Variants in KCNK1 observed in about 807,000 individuals in gnomAD.
KCNK1 encodes the protein potassium two pore domain channel subfamily K member 1, also known as potassium channel subfamily K member 1.
In KCNK1, 10 loss-of-function variants were observed where a neutral mutation model predicts 22.2. That is an observed-to-expected ratio of 0.45 (90% CI 0.28 to 0.76). The LOEUF (loss-of-function observed/expected upper bound fraction) is 0.76. Among genes scored for constraint, KCNK1 ranks in the 30% least tolerant of loss-of-function variants. The probability of loss-of-function intolerance (pLI) is 0.14; values close to 1 mark genes in which losing one functional copy is unlikely to be tolerated. For missense variants in KCNK1, 378 were observed against 421.0 expected (o/e 0.90, Z 0.89); for synonymous variants, 200 against 186.4 (o/e 1.07, Z -0.60).
chr1:233,640,665 A>T (rs1225771549), intron 1 of KCNK1, among the ~76,000 whole-genome samples: 2 of 152,098 alleles, frequency 1.3e-5, no homozygotes, highest in African/African-American at 4.8e-5. Context: ...AACGTAGAGA[A>T]TGAAGGTCAG....
intron 1 of KCNK1, among the ~76,000 whole-genome samples, chr1:233,650,932 G>T (rs1203558556): frequency 6.6e-6 from 1 of 152,166 alleles, no homozygotes; most frequent in African/African-American, 2.4e-5. Flanking sequence ...TGGCTGCTCT[G>T]AGTTCCTGTG....
intron 1 of KCNK1, among the ~76,000 whole-genome samples, chr1:233,659,721 C>T (rs1172003557): frequency 2.0e-5 from 3 of 151,972 alleles, no homozygotes; most frequent in Non-Finnish European, 4.4e-5. Flanking sequence ...GGGAGTTTTT[C>T]AGGTCTGGTA....
intron 1 of KCNK1, among the ~76,000 whole-genome samples, chr1:233,619,941 A>AG (rs35124712): frequency 1.2e-3 from 3 of 2,462 alleles, no homozygotes; most frequent in East Asian, 0.023. Context: ...GCGGGGGGGC[A>AG]GGGGGGTGAA....
At chr1:233,619,812 A>G (rs1435647213) in intron 1 of KCNK1, among the ~76,000 whole-genome samples, 1 of 151,882 alleles carries the variant, frequency 6.6e-6, no homozygotes, top group East Asian at 1.9e-4. Context: ...CGGGAGGCTA[A>G]GGCAGGAGAA....
intron 1 of KCNK1, among the ~76,000 whole-genome samples, chr1:233,664,238 T>C (rs1341330556): frequency 6.6e-6 from 1 of 152,144 alleles, no homozygotes; most frequent in Non-Finnish European, 1.5e-5. Context: ...AAGTTGTAGC[T>C]CCCATTAGTT....
intron 1 of KCNK1, among the ~76,000 whole-genome samples, chr1:233,626,712 C>T (rs941045188): frequency 3.3e-5 from 5 of 152,038 alleles, no homozygotes; most frequent in African/African-American, 1.2e-4. Flanking sequence ...TTAAATACTT[C>T]CAGGCTAAGA....
In KCNK1 at chr1:233,671,264, C is replaced by T. The variant is rs749934083; in HGVS notation, c.752-7C>T. ...CACACTAAGACAGTGTCCTGTTTCT[C>T]ACACAGGTTACCTGCTACTTGGCCT... On this transcript the variant is annotated splice_polypyrimidine_tract_variant and splice_region_variant and intron_variant, in intron 2 of 2. Transcript: ENST00000366621. The T allele has an allele frequency of 1.2e-6, 2 of 1,613,628 alleles. No individual in the cohort carries two copies. Among genetic ancestry groups the T allele is most frequent in the Non-Finnish European group, 1.7e-6 (2 of 1,179,556 alleles).
At chr1:233,654,139 G>T (rs1174391326) in intron 1 of KCNK1, among the ~76,000 whole-genome samples, 1 of 151,450 alleles carries the variant, frequency 6.6e-6, no homozygotes, top group Non-Finnish European at 1.5e-5. Flanking sequence ...AGGCCAGTCT[G>T]ATAAGGTCTC....
chr1:233,652,480 G>A (rs1377184523), intron 1 of KCNK1, among the ~76,000 whole-genome samples: 4 of 152,154 alleles, frequency 2.6e-5, no homozygotes, highest in African/African-American at 9.7e-5. Context: ...ATAGGGATAT[G>A]CATACTTATC....
Position 233,666,800 on chromosome 1 carries a change from T to C in KCNK1, c.561T>C (p.Leu187=). 6.2e-7 allele frequency: 1 copy of C among 1,614,198 alleles called. No homozygotes were observed. The highest frequency in any genetic ancestry group is 8.5e-7 in the Non-Finnish European group (1 of 1,180,028). The stretch of plus-strand genomic sequence containing the variant: ...TGGCCATCGTCCATGCCGTGCTCCT[T>C]GGGTTTGTCACTGTGTCCTGCTTCT... ...QVVAIVHAVL[L]GFVTVSCFFF... Residue 187 remains leucine, a synonymous_variant, in exon 2 of 3, where the codon CTT becomes CTC. Coordinates refer to ENST00000366621, the MANE Select transcript of KCNK1 (RefSeq NM_002245.4).
intron 1 of KCNK1, among the ~76,000 whole-genome samples, chr1:233,634,317 AC>A (rs1374395247): frequency 7.4e-3 from 209 of 28,278 alleles, no homozygotes; most frequent in East Asian, 0.027. Flanking sequence ...AACAACAACA[AC>A]AAAAAAAAAA....
chr1:233,633,158 A>T (rs1262456794), intron 1 of KCNK1, among the ~76,000 whole-genome samples: 1 of 151,004 alleles, frequency 6.6e-6, no homozygotes, highest in Non-Finnish European at 1.5e-5. Context: ...GGAGAAGAGG[A>T]GGTTACAAGC....
chr1:233,665,467 C>T lies in KCNK1; in HGVS notation c.356-1128C>T, dbSNP rs150128403. 1.6e-3 allele frequency among the ~76,000 whole-genome samples: 248 copies of T among 152,354 alleles called. 1 individual carries two copies. The highest frequency in any genetic ancestry group is 5.7e-3 in the African/African-American group (235 of 41,584). On this transcript the variant is annotated intron_variant, in intron 1 of 2. Transcript: ENST00000366621. ...GCCACTTCACAAGTCAATTGTATTGCAAGCCATACATAATAGTATACTTAA... is the reference window on the plus strand; with the variant it reads ...GCCACTTCACAAGTCAATTGTATTGTAAGCCATACATAATAGTATACTTAA...
rs1221091386 is a variant in KCNK1 at position 233,654,660 on chromosome 1, CCTAA to C, written c.356-11932_356-11929del. Among the ~76,000 whole-genome samples the C allele has an allele frequency of 5.3e-5, 8 of 152,254 alleles. No homozygotes were observed. The South Asian group carries it at 1.0e-3, about 20-fold the overall frequency. On this transcript the variant is annotated intron_variant, in intron 1 of 2. Transcript: ENST00000366621. ...GGGTACAGTGGTTCATGCCTGTAGT[CCTAA>C]CTGTTAGAGAAGTGGAGGCAGGAGG... is the stretch of plus-strand genomic sequence containing the variant.
intron 1 of KCNK1, among the ~76,000 whole-genome samples, chr1:233,627,989 GAA>G (rs915691929): frequency 6.6e-6 from 1 of 152,178 alleles, no homozygotes; most frequent in Non-Finnish European, 1.5e-5. Context: ...GCTTCACTCA[GAA>G]CTATGTTTTG....
intron 1 of KCNK1, among the ~76,000 whole-genome samples, chr1:233,656,124 A>G (rs1658291549): frequency 6.6e-6 from 1 of 152,250 alleles, no homozygotes; most frequent in African/African-American, 2.4e-5. Context: ...GGATTAAACA[A>G]GTGTCATCCA....
At chr1:233,649,154 TA>T (rs1206574812) in intron 1 of KCNK1, among the ~76,000 whole-genome samples, 1 of 152,230 alleles carries the variant, frequency 6.6e-6, no homozygotes, top group African/African-American at 2.4e-5. Context: ...ATCACATTTT[TA>T]TCAATTAATC....
At chr1:233,625,124 C>T (rs1657665060) in intron 1 of KCNK1, among the ~76,000 whole-genome samples, 1 of 152,210 alleles carries the variant, frequency 6.6e-6, no homozygotes, top group African/African-American at 2.4e-5. Flanking sequence ...AAACCATTCA[C>T]TTTTATGCTT....
chr1:233,623,481 G>A (rs868421513), intron 1 of KCNK1, among the ~76,000 whole-genome samples: 92 of 152,334 alleles, frequency 6.0e-4, no homozygotes, highest in African/African-American at 2.1e-3. Context: ...GATGGATATG[G>A]TAATTACCCT....
Sources: gnomAD v4.1 joint callset for allele counts (sites outside exome capture counted in the v4.1 genomes callset) on GRCh38, gnomAD v4.1.1 for gene constraint, MANE v1.5 for transcripts, NCBI Gene and HGNC (gene_info 2026-07-23, HGNC 2026-07-21) for gene names.